ACP7: variants seen among roughly 807,000 people sequenced by gnomAD.
ACP7 encodes the protein acid phosphatase type 7.
Under a neutral mutation model 60.6 loss-of-function variants are expected in ACP7, and 58 were observed. The observed-to-expected ratio is 0.96, with a 90% CI of 0.77 to 1.19. The LOEUF (loss-of-function observed/expected upper bound fraction) is 1.19, where lower values mean the gene tolerates loss of function less well. ACP7 is among the 50% of genes most tolerant of loss of function. The pLI is 0.00. For missense variants in ACP7, 574 were observed against 596.2 expected, an observed-to-expected ratio of 0.96 and a Z score of 0.39; for synonymous variants, 237 against 232.6, an observed-to-expected ratio of 1.02 and a Z score of -0.17.
intron 4 of ACP7, 147 bp downstream of exon 4, chr19:39,099,289 CA>C: frequency 1.0e-6 from 1 of 985,260 alleles, no homozygotes; most frequent in South Asian, 2.9e-5. Flanking sequence ...TCTGAAGGGA[CA>C]GGGGATGAGA....
rs117634303 is a variant in ACP7 at position 39,084,811 on chromosome 19, C to G, written c.-178-281C>G. Among the ~76,000 whole-genome samples the G allele has an allele frequency of 2.0e-4, 31 of 152,162 alleles. 2 individuals are homozygous for G. The East Asian group carries it at 6.0e-3, about 30-fold the overall frequency. On this transcript the variant is annotated intron_variant, in intron 1 of 12. Transcript: ENST00000331256. ...CTCCACCCCGCTCCCAGACCCCCAG[C>G]ACTGAGAGTGAGCTCTGGTTAGGAG...
intron 11 of ACP7, among the ~76,000 whole-genome samples, chr19:39,102,715 T>TTACTTCCTTTC (rs1555769415): frequency 8.4e-6 from 1 of 118,616 alleles, no homozygotes; most frequent in Non-Finnish European, 1.8e-5. Context: ...CAATGAAGAC[T>TTACTTCCTTTC]TTTCTTTCTT....
chr19:39,102,408 G>A (rs2073357695), intron 11 of ACP7, among the ~76,000 whole-genome samples: 1 of 148,820 alleles, frequency 6.7e-6, no homozygotes, highest in African/African-American at 2.5e-5. Context: ...ACGGAGTCTT[G>A]CTCTGTTGCC....
At chr19:39,086,676 T>C (rs1026990387) in intron 2 of ACP7, among the ~76,000 whole-genome samples, 9 of 150,928 alleles carry the variant, frequency 6.0e-5, no homozygotes, top group Non-Finnish European at 1.2e-4. Context: ...GAGCTTGGCA[T>C]GTAGCAGCAA....
chr19:39,094,647 AT>A (rs1317128095), intron 2 of ACP7, among the ~76,000 whole-genome samples: 1 of 151,540 alleles, frequency 6.6e-6, no homozygotes, highest in Non-Finnish European at 1.5e-5. Flanking sequence ...ACATGGCAAG[AT>A]CCCATCTCTA....
chr19:39,105,951 T>G (rs2145039080), intron 11 of ACP7, among the ~76,000 whole-genome samples: 1 of 152,286 alleles, frequency 6.6e-6, no homozygotes, highest in African/African-American at 2.4e-5. Context: ...ATAAAGTGAC[T>G]CTCTTTTTTC....
intron 11 of ACP7, among the ~76,000 whole-genome samples, chr19:39,102,467 C>G (rs1284274495): frequency 2.0e-5 from 3 of 151,770 alleles, no homozygotes; most frequent in South Asian, 2.1e-4. Flanking sequence ...ACCTCCGCCT[C>G]CTGGTTCAAG....
intron 2 of ACP7, among the ~76,000 whole-genome samples, chr19:39,088,726 G>GGTTTGTTT (rs72337815): frequency 2.3e-4 from 34 of 150,052 alleles, no homozygotes; most frequent in African/African-American, 7.1e-4. Flanking sequence ...GATCTTTGTG[G>GGTTTGTTT]GTTTGTTTGT....
chr19:39,106,630 T>C (rs2073413559), intron 11 of ACP7, among the ~76,000 whole-genome samples: 1 of 152,176 alleles, frequency 6.6e-6, no homozygotes, highest in South Asian at 2.1e-4. Context: ...TTCAAGCAAT[T>C]ATCCTGCCTC....
chr19:39,101,117 C>T (rs375897481), intron 8 of ACP7, 33 bp from the exon 9 acceptor site: 214 of 1,613,774 alleles, frequency 1.3e-4, no homozygotes, highest in Admixed American at 1.1e-3. Context: ...CGTCAGTCTG[C>T]GTCACCCTCA....
chr19:39,103,495 A>G (rs2073380344), intron 11 of ACP7, among the ~76,000 whole-genome samples: 1 of 103,986 alleles, frequency 9.6e-6, no homozygotes, highest in Non-Finnish European at 1.8e-5. Context: ...CCCCTTCTCC[A>G]TGGAGCGAGG....
intron 2 of ACP7, 79 bp from the exon 3 acceptor site, chr19:39,098,379 G>A (rs995640119): frequency 2.6e-6 from 3 of 1,140,274 alleles, no homozygotes; most frequent in African/African-American, 3.2e-5. Flanking sequence ...AGTGGTCAAC[G>A]CCCCTCACTT....
intron 2 of ACP7, among the ~76,000 whole-genome samples, chr19:39,098,136 A>C (rs2073287929): frequency 6.6e-6 from 1 of 151,578 alleles, no homozygotes; most frequent in Non-Finnish European, 1.5e-5. Flanking sequence ...TTGTAATCCC[A>C]GCTACTCGGG....
At chr19:39,097,202 A>G (rs2073276194) in intron 2 of ACP7, among the ~76,000 whole-genome samples, 1 of 152,128 alleles carries the variant, frequency 6.6e-6, no homozygotes, top group Non-Finnish European at 1.5e-5. Context: ...CTTATTCACT[A>G]CCATGAGAAC....
Position 39,093,402 on chromosome 19 carries a change from C to T in ACP7, c.122-5056C>T, listed in dbSNP as rs187370310. ...CCTGAGTAGCTGGATTACAGGCACG[C>T]GCCACCCTGCCCAGCTAATTTTTAT... On this transcript the variant is annotated intron_variant, in intron 2 of 12. Transcript: ENST00000331256. 1.9e-4 allele frequency among the ~76,000 whole-genome samples: 29 copies of T among 151,862 alleles called. No individual in the cohort carries two copies. In the East Asian group the frequency reaches 2.9e-3, roughly 15 times the overall value.
intron 12 of ACP7, among the ~76,000 whole-genome samples, chr19:39,108,406 G>T (rs1011318660): frequency 4.6e-5 from 7 of 152,172 alleles, no homozygotes; most frequent in East Asian, 1.9e-4. Context: ...CTCCCAAAGT[G>T]CTGGGATTAC....
chr19:39,098,768 C>A, intron 3 of ACP7, 110 bp downstream of exon 3: 4 of 1,365,534 alleles, frequency 2.9e-6, no homozygotes, highest in Non-Finnish European at 3.9e-6. Flanking sequence ...AACTCCACTG[C>A]CTATCTGCAA....
chr19:39,091,944 A>G (rs1156460595), intron 2 of ACP7, among the ~76,000 whole-genome samples: 1 of 152,124 alleles, frequency 6.6e-6, no homozygotes, highest in Non-Finnish European at 1.5e-5. Flanking sequence ...TTGAATTACC[A>G]TGAGATCATA....
intron 2 of ACP7, among the ~76,000 whole-genome samples, chr19:39,087,632 GTTTTTT>G (rs58068960): frequency 4.6e-5 from 6 of 131,534 alleles, no homozygotes; most frequent in Non-Finnish European, 6.5e-5. Flanking sequence ...AGCTAATTTT[GTTTTTT>G]TTTTTTTTTT....
Sources: gnomAD v4.1 joint callset for allele counts (sites outside exome capture counted in the v4.1 genomes callset) on GRCh38, gnomAD v4.1.1 for gene constraint, MANE v1.5 for transcripts, NCBI Gene and HGNC (gene_info 2026-07-23, HGNC 2026-07-21) for gene names.